Variants in NR2C2 observed in about 807,000 individuals in gnomAD.
NR2C2 encodes the protein nuclear receptor subfamily 2 group C member 2.
A neutral mutation model predicts 62.9 loss-of-function variants in NR2C2; 6 were observed. The observed-to-expected ratio is 0.10, with a 90% CI of 0.05 to 0.19. NR2C2 has a LOEUF of 0.19. NR2C2 is among the 10% of genes least tolerant of loss of function. The pLI is 1.00. For missense variants in NR2C2, 479 were observed against 762.7 expected (o/e 0.63, Z 4.38); for synonymous variants, 272 against 273.8 (o/e 0.99, Z 0.07).
rs546773559 is a variant in NR2C2, at chr3:15,002,953, C to T, written c.-39-923C>T. Among the ~76,000 whole-genome samples, 18 of 148,314 alleles carry T rather than the reference C, an allele frequency of 1.2e-4. 1 individual carries two copies. The South Asian group carries it at 3.2e-3, about 26-fold the overall frequency. On this transcript the variant is annotated intron_variant, in intron 1 of 13. Coordinates refer to ENST00000425241, the MANE Select transcript of NR2C2 (RefSeq NM_001291694.2). ...GATTACAGGCGTGAGCTACCGCCGC[C>T]GACCCACAATACACTTTTTTTTTTT...
At position 15,043,528 on chromosome 3, in the gene NR2C2, G is replaced by T. The variant is rs756454371; in HGVS notation, c.*520G>T. 6.5e-6 allele frequency: 1 copy of T among 152,710 alleles called. No individual in the cohort carries two copies. The highest frequency in any genetic ancestry group is 1.5e-5 in the Non-Finnish European group (1 of 68,076). 9.5% of individuals were successfully genotyped at this position (152,710 alleles called of 1,614,324 possible). The stretch of plus-strand genomic sequence containing the variant: ...TTTTGCCGAAATGCTAATGATTTCT[G>T]TGAAAACTCACTAGGGTACAGGAGA... On this transcript the variant is annotated 3_prime_UTR_variant, in exon 14 of 14. Transcript: ENST00000425241.
At chr3:15,029,002 G>C (rs1022861664) in intron 8 of NR2C2, among the ~76,000 whole-genome samples, 1 of 151,980 alleles carries the variant, frequency 6.6e-6, no homozygotes, top group East Asian at 1.9e-4. Flanking sequence ...AGTGGACAGC[G>C]GTTATTTGTA....
intron 12 of NR2C2, 22 bp from the exon 13 acceptor site, chr3:15,039,100 G>GGC (rs1559311573): frequency 6.4e-7 from 1 of 1,569,488 alleles, no homozygotes; most frequent in Admixed American, 1.7e-5. Context: ...GGAACTGGGG[G>GGC]GGGGTACTTT....
At chr3:14,993,889 A>G in intron 1 of NR2C2, among the ~76,000 whole-genome samples, 1 of 152,214 alleles carries the variant, frequency 6.6e-6, no homozygotes, top group East Asian at 1.9e-4. Flanking sequence ...GCCAAAATCC[A>G]GGGAGTTTAA....
chr3:15,024,205 T>C lies in NR2C2; in HGVS notation c.795T>C (p.Ser265=), dbSNP rs890712515. Residue 265 remains serine, a synonymous_variant, in exon 7 of 14, where the codon TCT becomes TCC. Transcript: ENST00000425241. Reference sequence around the variant, plus strand: ...GTACAGTTCTCCTGGCCACGGATTCTAAGGTGACGTTCTCTACTCATGCTC... The same window carrying C: ...GTACAGTTCTCCTGGCCACGGATTCCAAGGTGACGTTCTCTACTCATGCTC... ...EDGTVLLATD[S]KAETSQGALG... is the part of the protein sequence containing the mutation. The C allele has an allele frequency of 8.7e-6, 14 of 1,603,670 alleles. No homozygotes were observed. The highest frequency in any genetic ancestry group is 1.3e-5 in the African/African-American group (1 of 74,328).
chr3:15,017,813 G>A (rs2041553420), intron 4 of NR2C2, among the ~76,000 whole-genome samples: 1 of 152,156 alleles, frequency 6.6e-6, no homozygotes. Flanking sequence ...TAGAACAGTG[G>A]GATTCTCTGT....
chr3:15,002,453 A>G (rs1398330035), intron 1 of NR2C2, among the ~76,000 whole-genome samples: 3 of 151,992 alleles, frequency 2.0e-5, no homozygotes, highest in Admixed American at 6.5e-5. Context: ...AATCCTTTAT[A>G]TACCACTGGA....
At position 15,048,534 on chromosome 3, in the gene NR2C2, T is replaced by TATTG. The variant is rs891645719; in HGVS notation, c.*5533_*5536dup. The TATTG allele has an allele frequency of 1.3e-5, 2 of 152,650 alleles. No homozygotes were observed. The highest frequency in any genetic ancestry group is 2.9e-5 in the Non-Finnish European group (2 of 68,044). The allele number at this position is 152,650 out of a possible 1,614,324, so 9.5% of individuals were successfully genotyped here. A position where few individuals can be genotyped will look rare whatever the true frequency, so the allele number is the denominator to read the frequency against. ...AAATAGAAAAAAAATGTTCAACATT[T>TATTG]ATTGATTGATAGACTGTTAAAATTT... On this transcript the variant is annotated 3_prime_UTR_variant, in exon 14 of 14. Transcript: ENST00000425241.
intron 1 of NR2C2, among the ~76,000 whole-genome samples, chr3:14,969,183 A>G (rs1248991510): frequency 1.3e-5 from 2 of 152,118 alleles, no homozygotes; most frequent in Non-Finnish European, 2.9e-5. Flanking sequence ...TATAACTGGA[A>G]ATTTAAAGCA....
At chr3:14,952,136 G>A (rs1482263529) in intron 1 of NR2C2, among the ~76,000 whole-genome samples, 1 of 152,250 alleles carries the variant, frequency 6.6e-6, no homozygotes, top group Non-Finnish European at 1.5e-5. Flanking sequence ...GAAAGGCCTG[G>A]CTTCAGAACC....
intron 13 of NR2C2, among the ~76,000 whole-genome samples, chr3:15,040,939 G>T (rs1403560551): frequency 6.6e-6 from 1 of 152,184 alleles, no homozygotes; most frequent in African/African-American, 2.4e-5. Flanking sequence ...TGGGGCTACT[G>T]GCAGAGCCAC....
intron 1 of NR2C2, among the ~76,000 whole-genome samples, chr3:14,983,462 TACACACACAC>T (rs34788861): frequency 2.0e-5 from 3 of 146,778 alleles, no homozygotes; most frequent in South Asian, 2.2e-4. Flanking sequence ...ATACTCTTTA[TACACACACAC>T]ACACACACAC....
At chr3:14,997,329 G>A (rs958023878) in intron 1 of NR2C2, among the ~76,000 whole-genome samples, 2 of 152,170 alleles carry the variant, frequency 1.3e-5, no homozygotes, top group African/African-American at 2.4e-5. Flanking sequence ...ATGATGAAAT[G>A]ACCTAATGAC....
chr3:15,039,068 G>A, intron 12 of NR2C2, 54 bp from the exon 13 acceptor site: 1 of 1,322,992 alleles, frequency 7.6e-7, no homozygotes. Flanking sequence ...AAGTCTACAA[G>A]TGAGACTTTT....
At chr3:15,031,980 C>T (rs1243084421) in intron 9 of NR2C2, among the ~76,000 whole-genome samples, 1 of 152,160 alleles carries the variant, frequency 6.6e-6, no homozygotes, top group East Asian at 1.9e-4. Context: ...CTGCCTGCCT[C>T]AGCCTCCCAA....
At chr3:15,011,181 T>C (rs1219726042) in intron 2 of NR2C2, among the ~76,000 whole-genome samples, 2 of 152,006 alleles carry the variant, frequency 1.3e-5, no homozygotes, top group Non-Finnish European at 2.9e-5. Context: ...AAAAAAATTT[T>C]CTAAAAAATT....
chr3:15,043,188 T>A lies in NR2C2; in HGVS notation c.*180T>A. On this transcript the variant is annotated 3_prime_UTR_variant, in exon 14 of 14. Coordinates refer to ENST00000425241, the MANE Select transcript of NR2C2 (RefSeq NM_001291694.2). ...TTAAAAGACTAGTAGGATCCTTTCC[T>A]GACATAAGAAATGTTTTAATGCCTT... The A allele has an allele frequency of 2.2e-6, 1 of 444,698 alleles. No individual in the cohort carries two copies. The highest frequency in any genetic ancestry group is 3.6e-5 in the East Asian group (1 of 28,044). 27.5% of individuals were successfully genotyped at this position (444,698 alleles called of 1,614,324 possible).
At chr3:15,022,436 T>G (rs1235155266) in intron 5 of NR2C2, among the ~76,000 whole-genome samples, 2 of 139,596 alleles carry the variant, frequency 1.4e-5, no homozygotes, top group Non-Finnish European at 3.0e-5. Flanking sequence ...AGAGTCTTGC[T>G]CTGTTGCCCA....
rs778703470 is a variant in NR2C2, at chr3:15,013,573, A to C, written c.73-16A>C. 1 of 1,612,836 alleles carries C rather than the reference A, an allele frequency of 6.2e-7. No homozygotes were observed. Among genetic ancestry groups the C allele is most frequent in the South Asian group, 1.1e-5 (1 of 90,948 alleles). On this transcript the variant is annotated splice_polypyrimidine_tract_variant and intron_variant, in intron 2 of 13. Coordinates refer to ENST00000425241, the MANE Select transcript of NR2C2 (RefSeq NM_001291694.2). ...GTGACACTCCATGAGAGCAGCCTCC[A>C]TGTTGTGTCTTATAGATTGTCACAG...
Sources: gnomAD v4.1 joint callset for allele counts (sites outside exome capture counted in the v4.1 genomes callset) on GRCh38, gnomAD v4.1.1 for gene constraint, MANE v1.5 for transcripts, NCBI Gene and HGNC (gene_info 2026-07-23, HGNC 2026-07-21) for gene names.